The following TNFRSF8 variants were observed in gnomAD, a reference collection of about 807,000 sequenced individuals.
TNFRSF8 encodes tumor necrosis factor receptor superfamily member 8.
TNFRSF8 carries 26 observed loss-of-function variants against 70.8 expected under a neutral mutation model. The ratio of observed to expected loss-of-function variants is 0.37; its 90% CI spans 0.27 to 0.51. The LOEUF (loss-of-function observed/expected upper bound fraction) is 0.51. Ranked by LOEUF, TNFRSF8 falls within the 20% of genes least tolerant of loss-of-function variation. The pLI, the probability that TNFRSF8 is intolerant of heterozygous loss-of-function variation, is 0.94. For synonymous variants in TNFRSF8, 356 were observed against 339.2 expected (o/e 1.05, Z -0.54); for missense variants, 720 against 807.9 (o/e 0.89, Z 1.32).
chr1:12,132,837 C>CAAAA (rs55643235), intron 12 of TNFRSF8, among the ~76,000 whole-genome samples: 13 of 74,396 alleles, frequency 1.7e-4, no homozygotes, highest in Non-Finnish European at 2.0e-4. Context: ...GACTCCATCT[C>CAAAA]AAAAAAAAAA....
intron 6 of TNFRSF8, among the ~76,000 whole-genome samples, chr1:12,111,373 G>C (rs1641627018): frequency 6.6e-6 from 1 of 151,936 alleles, no homozygotes; most frequent in South Asian, 2.1e-4. Context: ...GTAGAGACGG[G>C]GTTTCACCAT....
chr1:12,134,643 G>A (rs1429327461), intron 12 of TNFRSF8, among the ~76,000 whole-genome samples: 1 of 152,186 alleles, frequency 6.6e-6, no homozygotes. Flanking sequence ...TGTCCTCCTC[G>A]AAGGCTGCCA....
At chr1:12,118,685 A>G (rs1340669054) in intron 8 of TNFRSF8, among the ~76,000 whole-genome samples, 1 of 152,154 alleles carries the variant, frequency 6.6e-6, no homozygotes, top group East Asian at 1.9e-4. Flanking sequence ...TGTGCTTGTG[A>G]TCAGCCCATC....
intron 3 of TNFRSF8, among the ~76,000 whole-genome samples, chr1:12,102,648 C>T (rs987099568): frequency 2.0e-5 from 3 of 152,142 alleles, no homozygotes; most frequent in Non-Finnish European, 4.4e-5. Context: ...GTCTCAGCCT[C>T]CCCAGTAGCT....
intron 12 of TNFRSF8, among the ~76,000 whole-genome samples, chr1:12,128,201 T>C (rs1213202451): frequency 6.6e-6 from 1 of 152,256 alleles, no homozygotes; most frequent in Non-Finnish European, 1.5e-5. Context: ...GCAGGCTCTG[T>C]GCCGGGCCCA....
chr1:12,117,092 C>CT (rs1020392631), intron 8 of TNFRSF8, among the ~76,000 whole-genome samples: 26 of 151,532 alleles, frequency 1.7e-4, no homozygotes, highest in African/African-American at 6.3e-4. Flanking sequence ...TTTTTTTCCT[C>CT]TTTTTTTAGA....
chr1:12,078,228 A>G (rs2100957409), intron 1 of TNFRSF8, among the ~76,000 whole-genome samples: 1 of 152,170 alleles, frequency 6.6e-6, no homozygotes, highest in African/African-American at 2.4e-5. Context: ...AGACAGAACT[A>G]GTGATAGGTT....
chr1:12,074,284 C>CT lies in TNFRSF8; in HGVS notation c.64-10167dup, dbSNP rs112610085. ...TGTCCCAAAGTCACCTTCTTTCTTT[C>CT]TTTTTTTTTTTTTGAGACAGAATCT... On this transcript the variant is annotated intron_variant, in intron 1 of 14. Transcript: ENST00000263932. Among the ~76,000 whole-genome samples the CT allele has an allele frequency of 8.4e-3, 1,211 of 144,744 alleles. 12 individuals carry two copies. The highest frequency in any genetic ancestry group is 0.027 in the African/African-American group (1,068 of 39,886). The allele number at this position is 144,744 out of a possible 152,430, so 95.0% of individuals were successfully genotyped here.
chr1:12,102,482 GGCC>G, intron 3 of TNFRSF8, among the ~76,000 whole-genome samples: 2 of 152,242 alleles, frequency 1.3e-5, no homozygotes, highest in Middle Eastern at 6.8e-3. Flanking sequence ...TTGGTCTCCA[GGCC>G]TGTTACACAT....
chr1:12,114,897 C>T (rs1032203736), intron 7 of TNFRSF8, among the ~76,000 whole-genome samples: 1 of 151,656 alleles, frequency 6.6e-6, no homozygotes, highest in Non-Finnish European at 1.5e-5. Context: ...TTAGTAGAGA[C>T]GGGGTTTCAC....
At position 12,126,063 on chromosome 1, in the gene TNFRSF8, G is replaced by A; in HGVS notation, c.1255+11G>A. 3 of 1,613,790 alleles carry A rather than the reference G, an allele frequency of 1.9e-6. No homozygotes were observed. Among genetic ancestry groups the A allele is most frequent in the Non-Finnish European group, 2.5e-6 (3 of 1,179,642 alleles). On this transcript the variant is annotated intron_variant, in intron 11 of 14. Coordinates refer to ENST00000263932, the MANE Select transcript of TNFRSF8 (RefSeq NM_001243.5). ...AGCGAATTCGGCAGAGTAAGTGGCTGTGTCCTTGGGGCCTTGGGGAGGACA... is the reference window on the plus strand; with the variant it reads ...AGCGAATTCGGCAGAGTAAGTGGCTATGTCCTTGGGGCCTTGGGGAGGACA...
intron 1 of TNFRSF8, among the ~76,000 whole-genome samples, chr1:12,069,841 A>ACGGG (rs1640811477): frequency 6.6e-6 from 1 of 152,188 alleles, no homozygotes; most frequent in Admixed American, 6.5e-5. Context: ...TGTGAGAGAG[A>ACGGG]CGGGCGGCTC....
At chr1:12,099,249 C>T (rs1192431260) in intron 3 of TNFRSF8, among the ~76,000 whole-genome samples, 1 of 152,126 alleles carries the variant, frequency 6.6e-6, no homozygotes, top group Middle Eastern at 3.4e-3. Context: ...CTCCTGGATT[C>T]GAGCGATTCT....
In TNFRSF8 at chr1:12,138,244, G is replaced by A. The variant is rs750889572; in HGVS notation, c.1351G>A (p.Ala451Thr). ...RRSSTQLRSG[A>T]SVTEPVAEER... ...CGTCCCACAGCAGCTGAGGAGTGGT[G>A]CGTCGGTGACAGAACCCGTCGCGGA... Residue 451 changes from alanine to threonine, a missense_variant, in exon 14 of 15, where the codon GCG becomes ACG. Ala to Thr is a moderately conservative substitution (Grantham distance 58). Transcript: ENST00000263932. This position sits in a 1 kb window ranked among gnomAD's most constrained non-coding sequence, Gnocchi z 5.7. 1.2e-5 allele frequency: 19 copies of A among 1,613,458 alleles called. No homozygotes were observed. In the East Asian group the frequency reaches 1.3e-4, roughly 11 times the overall value.
In TNFRSF8 at chr1:12,142,128, C is replaced by T. The variant is rs1642263737; in HGVS notation, c.1544-159C>T. ...CCTAGCTGTTCTATTTCCTCTGAGC[C>T]CCCAGGATGCCTGTAAGGTACATCA... On this transcript the variant is annotated intron_variant, in intron 14 of 14. Coordinates refer to ENST00000263932, the MANE Select transcript of TNFRSF8 (RefSeq NM_001243.5). The surrounding 1 kb of genome is among the most constrained non-coding windows in gnomAD (Gnocchi z 5.0). Among the ~76,000 whole-genome samples, 1 of 152,206 alleles carries T rather than the reference C, an allele frequency of 6.6e-6. No homozygotes were observed.
chr1:12,123,807 G>A lies in TNFRSF8; in HGVS notation c.1133G>A (p.Gly378Glu), dbSNP rs1329757662. Residue 378 changes from glycine (G) to glutamate (E), a missense_variant, in exon 10 of 15, where the codon GGG (glycine) becomes GAG (glutamate). Coordinates refer to ENST00000263932, the MANE Select transcript of TNFRSF8 (RefSeq NM_001243.5). The stretch of plus-strand genomic sequence containing the variant: ...GCTCCCGTCGCTCTCTCCTCCACGG[G>A]GAAGCCCGTTCTGGATGCAGGTAAT... ...TSAPVALSST[G>E]KPVLDAGPVL... 2 of 1,571,396 alleles carry A rather than the reference G, an allele frequency of 1.3e-6. No individual in the cohort carries two copies. The highest frequency in any genetic ancestry group is 1.3e-5 in the African/African-American group (1 of 74,094).
intron 1 of TNFRSF8, among the ~76,000 whole-genome samples, chr1:12,067,451 G>A (rs1177944304): frequency 6.6e-6 from 1 of 152,180 alleles, no homozygotes; most frequent in African/African-American, 2.4e-5. Flanking sequence ...CACTTTGGGA[G>A]GCCAAGACAG....
intron 1 of TNFRSF8, among the ~76,000 whole-genome samples, chr1:12,082,541 C>T (rs1191888459): frequency 7.5e-6 from 1 of 133,734 alleles, no homozygotes; most frequent in Non-Finnish European, 1.6e-5. Context: ...CAGAGTGAGA[C>T]CCTGTCTCAA....
chr1:12,070,408 G>A (rs1332964656), intron 1 of TNFRSF8, among the ~76,000 whole-genome samples: 3 of 152,014 alleles, frequency 2.0e-5, no homozygotes, highest in African/African-American at 4.8e-5. Context: ...CCGCCACCAC[G>A]CCTGGCTAAT....
Sources: allele counts gnomAD v4.1 joint callset (sites outside exome capture counted in the v4.1 genomes callset), GRCh38; gene constraint gnomAD v4.1.1; non-coding constraint Gnocchi (gnomAD v3.1); transcripts MANE v1.5; gene names NCBI Gene and HGNC (gene_info 2026-07-23, HGNC 2026-07-21).